Variants in CTBP1 observed in about 807,000 individuals in gnomAD.
CTBP1 encodes C-terminal-binding protein 1.
In CTBP1, 11 loss-of-function variants were observed where a neutral mutation model predicts 42.1. The ratio of observed to expected loss-of-function variants is 0.26; its 90% CI spans 0.16 to 0.43. CTBP1 has a LOEUF of 0.43. Among genes scored for constraint, CTBP1 ranks in the 20% least tolerant of loss-of-function variants. The probability of loss-of-function intolerance (pLI) is 1.00; values close to 1 mark genes in which losing one functional copy is unlikely to be tolerated. For missense variants in CTBP1, 399 were observed against 624.3 expected, an observed-to-expected ratio of 0.64 and a Z score of 3.85; for synonymous variants, 324 against 277.1, an observed-to-expected ratio of 1.17 and a Z score of -1.68.
intron 1 of CTBP1, chr4:1,243,752 A>G: frequency 1.0e-6 from 1 of 985,346 alleles, no homozygotes; most frequent in South Asian, 4.7e-5. Context: ...TACCTTGCCC[A>G]CACACTCCGA....
chr4:1,219,421 A>G (rs1729495494), intron 5 of CTBP1, among the ~76,000 whole-genome samples: 1 of 152,114 alleles, frequency 6.6e-6, no homozygotes, highest in Non-Finnish European at 1.5e-5. Flanking sequence ...CCACACAAAC[A>G]CTGATCAAAA....
intron 3 of CTBP1, among the ~76,000 whole-genome samples, chr4:1,230,707 G>A (rs1206529258): frequency 1.3e-5 from 2 of 152,234 alleles, no homozygotes; most frequent in Non-Finnish European, 2.9e-5. Flanking sequence ...TCTGAACCGC[G>A]GCACGTCACC....
chr4:1,245,243 C>T (rs1041716865), intron 1 of CTBP1: 21 of 985,336 alleles, frequency 2.1e-5, no homozygotes, highest in African/African-American at 3.5e-5. Flanking sequence ...GAGGACACAG[C>T]GCAGGGGCTG....
intron 5 of CTBP1, 123 bp from the exon 6 acceptor site, chr4:1,216,328 C>T: frequency 9.7e-7 from 1 of 1,035,084 alleles, no homozygotes; most frequent in Non-Finnish European, 1.4e-6. Flanking sequence ...ATGACACCAG[C>T]TGTGGTCAAG....
At chr4:1,217,144 A>C (rs553952391) in intron 5 of CTBP1, 1 of 152,550 alleles carries the variant, frequency 6.6e-6, no homozygotes, top group East Asian at 1.9e-4. Context: ...CCTGAGGGCC[A>C]AGGAGACCAG....
Position 1,214,378 on chromosome 4 carries a change from G to C in CTBP1, c.825C>G (p.Gly275=). ...CCGACTCGTGCACATCCAGGGCCGC[G>C]CCGCGGATCCGGCCCTCCTTCAGGG... is the stretch of plus-strand genomic sequence containing the variant. ...AQALKEGRIR[G]AALDVHESEP... The change falls in exon 7 of 10, where the codon GGC becomes GGG. Residue 275 remains glycine, a synonymous_variant. Transcript: ENST00000382952. The C allele has an allele frequency of 6.4e-7, 1 of 1,566,060 alleles. No individual in the cohort carries two copies. Among genetic ancestry groups the C allele is most frequent in the Non-Finnish European group, 8.6e-7 (1 of 1,161,894 alleles).
intron 7 of CTBP1, chr4:1,213,897 AG>A (rs1197688986): frequency 9.0e-6 from 4 of 442,116 alleles, no homozygotes; most frequent in Non-Finnish European, 1.6e-5. Context: ...TTCCAGCCAA[AG>A]GGTCTGTAGC....
chr4:1,225,156 C>T lies in CTBP1; in HGVS notation c.514+204G>A, dbSNP rs565486272. 4.6e-5 allele frequency among the ~76,000 whole-genome samples: 7 copies of T among 151,798 alleles called. No individual in the cohort carries two copies. In the East Asian group the frequency reaches 5.9e-4, roughly 13 times the overall value. ...TCTGTGTGTGCCTGTGTGAGACCCA[C>T]GTGTGCTGTGACGTCCGTGCACGTA... On this transcript the variant is annotated intron_variant, in intron 5 of 9. Transcript: ENST00000382952.
intron 1 of CTBP1, chr4:1,241,734 A>G: frequency 8.3e-7 from 1 of 1,201,844 alleles, no homozygotes; most frequent in Non-Finnish European, 1.1e-6. Flanking sequence ...TTGCAGTGCC[A>G]GGCCCGAGGC....
chr4:1,244,973 A>G (rs1732565029), intron 1 of CTBP1: 2 of 985,314 alleles, frequency 2.0e-6, no homozygotes, highest in Non-Finnish European at 2.4e-6. Flanking sequence ...CTGCCCTGCA[A>G]TGGCAGAGAA....
intron 1 of CTBP1, chr4:1,244,017 C>G: frequency 1.0e-6 from 1 of 985,316 alleles, no homozygotes; most frequent in East Asian, 1.1e-4. Flanking sequence ...TGCTCTAAAA[C>G]AAAAACTGAT....
chr4:1,215,934 ACCC>A, intron 6 of CTBP1, 54 bp downstream of exon 6: 1 of 1,530,590 alleles, frequency 6.5e-7, no homozygotes, highest in African/African-American at 1.4e-5. Context: ...CCTGCCTGAC[ACCC>A]CCACCTGTAC....
chr4:1,247,178 A>G (rs1732801231), intron 1 of CTBP1, among the ~76,000 whole-genome samples: 1 of 152,222 alleles, frequency 6.6e-6, no homozygotes, highest in Admixed American at 6.5e-5. Flanking sequence ...ACCTCTCAGA[A>G]CTAACAGCTG....
chr4:1,248,001 G>T (rs1049213846), intron 1 of CTBP1, among the ~76,000 whole-genome samples: 2 of 152,364 alleles, frequency 1.3e-5, no homozygotes, highest in East Asian at 3.9e-4. Context: ...GCCCTTGGAG[G>T]CCGCCAGAGA....
chr4:1,228,580 T>C (rs965590714), intron 3 of CTBP1, among the ~76,000 whole-genome samples: 1 of 152,104 alleles, frequency 6.6e-6, no homozygotes, highest in African/African-American at 2.4e-5. Context: ...CTCAGCCGCA[T>C]GTAGGCTGCA....
chr4:1,248,343 G>T (rs1484542606), intron 1 of CTBP1, among the ~76,000 whole-genome samples: 1 of 151,700 alleles, frequency 6.6e-6, no homozygotes, highest in Non-Finnish European at 1.5e-5. Context: ...GAGGGCAGCG[G>T]CCTCCTCCAC....
Position 1,225,407 on chromosome 4 carries a change from G to A in CTBP1, c.467C>T (p.Ser156Phe). Reference protein sequence around the residue: ...QSVEQIREVASGAARIRGETL... With the variant: ...QSVEQIREVAFGAARIRGETL... ...CTCCCCGCGGATCCTGGCAGCGCCGGACGCCACCTCGCGGATCTGCTCGAC... is the reference window on the plus strand; with the variant it reads ...CTCCCCGCGGATCCTGGCAGCGCCGAACGCCACCTCGCGGATCTGCTCGAC... Residue 156 changes from serine to phenylalanine, a missense_variant, in exon 5 of 10, where the codon TCC becomes TTC. Ser to Phe is a radical substitution (Grantham distance 155, BLOSUM62 -2). Coordinates refer to ENST00000382952, the MANE Select transcript of CTBP1 (RefSeq NM_001012614.2). 1 of 1,567,118 alleles carries A rather than the reference G, an allele frequency of 6.4e-7. No individual in the cohort carries two copies. Among genetic ancestry groups the A allele is most frequent in the Non-Finnish European group, 8.6e-7 (1 of 1,160,822 alleles).
At chr4:1,226,202 C>T (rs1730323815) in intron 4 of CTBP1, among the ~76,000 whole-genome samples, 1 of 152,168 alleles carries the variant, frequency 6.6e-6, no homozygotes, top group Non-Finnish European at 1.5e-5. Context: ...TCCCCAGAGA[C>T]AGGCCCTTCC....
At chr4:1,213,299 C>T (rs369123510) in intron 8 of CTBP1, among the ~76,000 whole-genome samples, 179 bp downstream of exon 8, 6 of 152,300 alleles carry the variant, frequency 3.9e-5, no homozygotes, top group South Asian at 4.1e-4. Flanking sequence ...GTGTAAGACA[C>T]GACGCCAGGG....
Sources: allele counts gnomAD v4.1 joint callset (sites outside exome capture counted in the v4.1 genomes callset), GRCh38; gene constraint gnomAD v4.1.1; transcripts MANE v1.5; gene names NCBI Gene and HGNC (gene_info 2026-07-23, HGNC 2026-07-21).